XPOT: variants seen among roughly 807,000 people sequenced by gnomAD.
XPOT encodes the protein exportin-T.
In XPOT, 34 loss-of-function variants were observed where a neutral mutation model predicts 128.2. The observed-to-expected ratio is 0.27, with a 90% CI of 0.20 to 0.35. The LOEUF is 0.35. Among genes scored for constraint, XPOT ranks in the 10% least tolerant of loss-of-function variants. The probability of loss-of-function intolerance (pLI) is 1.00; values close to 1 mark genes in which losing one functional copy is unlikely to be tolerated. For synonymous variants in XPOT, 348 were observed against 394.3 expected, an observed-to-expected ratio of 0.88 and a Z score of 1.39; for missense variants, 838 against 1,125.3, an observed-to-expected ratio of 0.74 and a Z score of 3.65.
chr12:64,420,448 C>T lies in XPOT; in HGVS notation c.770C>T (p.Pro257Leu). The change falls in exon 8 of 25, where the codon CCT becomes CTT. Residue 257 changes from proline (P) to leucine (L), a missense_variant. By Grantham distance (98) the Pro-to-Leu change is moderately conservative. Around this residue, in one of 3 missense-constraint regions of XPOT, gnomAD observed 761 missense variants for 988.3 expected, o/e 0.77. Transcript: ENST00000332707. ...GAAGTTGTAAATAAAGGAATGGACC[C>T]TGTTGATAAAATGAAACTAGTGGAA... Reference protein sequence around the residue: ...LFEVVNKGMDPVDKMKLVESL... With the variant: ...LFEVVNKGMDLVDKMKLVESL... 1.2e-6 allele frequency: 2 copies of T among 1,613,748 alleles called. No homozygotes were observed. The highest frequency in any genetic ancestry group is 3.3e-5 in the Admixed American group (2 of 59,990).
rs2040384749 is a variant in XPOT at position 64,448,670 on chromosome 12, C to A, written c.*539C>A. 6.6e-6 allele frequency: 1 copy of A among 151,546 alleles called. No individual in the cohort carries two copies. Among genetic ancestry groups the A allele is most frequent in the African/African-American group, 2.4e-5 (1 of 41,302 alleles). 9.4% of individuals were successfully genotyped at this position (151,546 alleles called of 1,614,324 possible). ...TTTTATATATATATATAAAAATAAA[C>A]TTTACGTAGTGAAATCTTCCAAGTC... On this transcript the variant is annotated 3_prime_UTR_variant, in exon 25 of 25. Transcript: ENST00000332707.
intron 1 of XPOT, 91 bp downstream of exon 1, chr12:64,404,895 G>GA (rs398019910): frequency 2.0e-5 from 3 of 152,062 alleles, no homozygotes; most frequent in Admixed American, 6.6e-5. Context: ...CGGCCCGGGG[G>GA]AGTCCCGACG....
intron 2 of XPOT, among the ~76,000 whole-genome samples, chr12:64,410,877 G>A (rs920529029): frequency 3.3e-5 from 5 of 152,008 alleles, no homozygotes; most frequent in African/African-American, 1.2e-4. Flanking sequence ...GGAACTATAG[G>A]GTAAGTGGAA....
In XPOT at chr12:64,407,779, T is replaced by C. The variant is rs1351613388; in HGVS notation, c.-74-2183T>C. ...GGTGTGCAGAATAGTGAGGAGTTAT[T>C]CAAAAGTGTTTGGATCGTAATCTGA... On this transcript the variant is annotated intron_variant, in intron 1 of 24. Coordinates refer to ENST00000332707, the MANE Select transcript of XPOT (RefSeq NM_007235.6). 6.6e-5 allele frequency among the ~76,000 whole-genome samples: 10 copies of C among 152,306 alleles called. No homozygotes were observed. The East Asian group carries it at 9.6e-4, about 15-fold the overall frequency.
chr12:64,410,507 A>G (rs989445847), intron 2 of XPOT, among the ~76,000 whole-genome samples: 4 of 152,116 alleles, frequency 2.6e-5, no homozygotes, highest in Non-Finnish European at 5.9e-5. Flanking sequence ...TTTTTTCTAG[A>G]GATAGGGTTT....
chr12:64,442,903 T>A (rs1197118642), intron 23 of XPOT: 1 of 153,976 alleles, frequency 6.5e-6, no homozygotes, highest in Non-Finnish European at 1.4e-5. Flanking sequence ...TAGAGTGCAG[T>A]GGCGCGATCT....
chr12:64,444,505 A>C (rs2040352694), intron 23 of XPOT, among the ~76,000 whole-genome samples: 1 of 152,244 alleles, frequency 6.6e-6, no homozygotes, highest in Non-Finnish European at 1.5e-5. Flanking sequence ...ATATGCTATA[A>C]TGTGGATGAA....
intron 2 of XPOT, among the ~76,000 whole-genome samples, chr12:64,413,328 G>A (rs1370276234): frequency 6.6e-6 from 1 of 152,088 alleles, no homozygotes; most frequent in Non-Finnish European, 1.5e-5. Context: ...GCCTTGAACT[G>A]CTGGCCTCAA....
At chr12:64,431,131 A>G (rs1332629762) in intron 17 of XPOT, among the ~76,000 whole-genome samples, 3 of 152,064 alleles carry the variant, frequency 2.0e-5, no homozygotes, top group Admixed American at 2.0e-4. Flanking sequence ...TTTAGTAAAG[A>G]CCGGTTTTGA....
chr12:64,432,437 C>T (rs905108452), intron 18 of XPOT, among the ~76,000 whole-genome samples: 3 of 152,046 alleles, frequency 2.0e-5, no homozygotes, highest in Admixed American at 6.6e-5. Context: ...GTAGAGACAG[C>T]GTTTCCCCAT....
intron 22 of XPOT, among the ~76,000 whole-genome samples, chr12:64,436,556 C>T (rs1350708224): frequency 3.3e-5 from 5 of 151,944 alleles, no homozygotes; most frequent in African/African-American, 4.8e-5. Flanking sequence ...CCACTGTGCC[C>T]GGCCTTGGTT....
At chr12:64,437,549 G>T (rs1258191367) in intron 22 of XPOT, among the ~76,000 whole-genome samples, 1 of 152,190 alleles carries the variant, frequency 6.6e-6, no homozygotes, top group Non-Finnish European at 1.5e-5. Flanking sequence ...TTTAGCTAAA[G>T]TATAGAGGCA....
chr12:64,444,125 A>G (rs2040348552), intron 23 of XPOT, among the ~76,000 whole-genome samples: 2 of 152,206 alleles, frequency 1.3e-5, no homozygotes, highest in South Asian at 4.1e-4. Flanking sequence ...TATGTCTGAC[A>G]ACACATTTTG....
At chr12:64,430,765 T>A (rs1407822473) in intron 17 of XPOT, among the ~76,000 whole-genome samples, 3 of 152,198 alleles carry the variant, frequency 2.0e-5, no homozygotes, top group African/African-American at 7.2e-5. Flanking sequence ...AATTGTTCTA[T>A]AATATATTTA....
intron 16 of XPOT, among the ~76,000 whole-genome samples, chr12:64,428,515 T>C (rs949907519): frequency 2.0e-5 from 3 of 152,140 alleles, no homozygotes; most frequent in Non-Finnish European, 2.9e-5. Context: ...TCTTAGCAGC[T>C]GCTACTGTTA....
rs11175383 is a variant in XPOT at position 64,410,018 on chromosome 12, A to G, written c.-18A>G. The G allele has an allele frequency of 3.1e-6, 5 of 1,612,340 alleles. No individual in the cohort carries two copies. The highest frequency in any genetic ancestry group is 1.7e-4 in the Middle Eastern group (1 of 6,060). Reference sequence around the variant, plus strand: ...GCACGCCTATTACAACCAGAAAACTACAAGTATAACAGCGAGGATGGATGA... The same window carrying G: ...GCACGCCTATTACAACCAGAAAACTGCAAGTATAACAGCGAGGATGGATGA... On this transcript the variant is annotated 5_prime_UTR_variant, in exon 2 of 25. Transcript: ENST00000332707.
intron 1 of XPOT, chr12:64,405,044 T>A (rs1220464144): frequency 1.3e-5 from 2 of 152,098 alleles, no homozygotes; most frequent in African/African-American, 4.8e-5. Context: ...TGGTGTTTCA[T>A]CACCCGAATT....
At chr12:64,424,953 G>A in intron 12 of XPOT, 85 bp from the exon 13 acceptor site, 1 of 1,507,074 alleles carries the variant, frequency 6.6e-7, no homozygotes, top group East Asian at 2.3e-5. Flanking sequence ...AATTAAAAAG[G>A]CTTTTGTTGG....
chr12:64,425,328 C>A lies in XPOT; in HGVS notation c.1453-10C>A. ...ATAAGAAGAGGTTTCCTAACTTTTT[C>A]CTGATCTAGCTGGTAACATCAGGAG... is the stretch of plus-strand genomic sequence containing the variant. On this transcript the variant is annotated splice_polypyrimidine_tract_variant and intron_variant, in intron 13 of 24. Coordinates refer to ENST00000332707, the MANE Select transcript of XPOT (RefSeq NM_007235.6). The A allele has an allele frequency of 6.2e-7, 1 of 1,611,092 alleles. No homozygotes were observed. Among genetic ancestry groups the A allele is most frequent in the Non-Finnish European group, 8.5e-7 (1 of 1,179,178 alleles).
Sources: allele counts gnomAD v4.1 joint callset (sites outside exome capture counted in the v4.1 genomes callset), GRCh38; gene constraint gnomAD v4.1.1; regional missense constraint gnomAD v4.1.1; transcripts MANE v1.5; gene names NCBI Gene and HGNC (gene_info 2026-07-23, HGNC 2026-07-21).